Variants in EYS observed in about 807,000 individuals in gnomAD.
EYS encodes the protein protein eyes shut homolog.
A neutral mutation model predicts 282.1 loss-of-function variants in EYS; 250 were observed. The ratio of observed to expected loss-of-function variants is 0.89; its 90% CI spans 0.80 to 0.98. The LOEUF (loss-of-function observed/expected upper bound fraction) is 0.98, where lower values mean the gene tolerates loss of function less well. EYS is among the 50% of genes least tolerant of loss of function. The probability of loss-of-function intolerance (pLI) is 0.00; values close to 1 mark genes in which losing one functional copy is unlikely to be tolerated. For synonymous variants in EYS, 1,355 were observed against 1,282.9 expected (o/e 1.06, Z -1.20); for missense variants, 4,016 against 3,709.0 (o/e 1.08, Z -2.15).
At chr6:64,888,269 G>A (rs1767163444) in intron 18 of EYS, among the ~76,000 whole-genome samples, 1 of 151,958 alleles carries the variant, frequency 6.6e-6, no homozygotes, top group African/African-American at 2.4e-5. Flanking sequence ...AGAGCTAGAG[G>A]AGAAAATTTT....
intron 30 of EYS, among the ~76,000 whole-genome samples, chr6:64,261,160 A>G (rs916460560): frequency 3.3e-5 from 5 of 151,886 alleles, no homozygotes; most frequent in African/African-American, 7.3e-5. Context: ...AAGCATTCCT[A>G]TTTTTCCCGG....
chr6:64,425,073 CAG>C (rs1774357168), intron 28 of EYS, among the ~76,000 whole-genome samples: 1 of 152,092 alleles, frequency 6.6e-6, no homozygotes, highest in African/African-American at 2.4e-5. Flanking sequence ...AAAAGCATTT[CAG>C]AGAGTCCTAG....
Position 64,755,497 on chromosome 6 carries a change from T to TACAGACAC in EYS, c.3443+57880_3443+57881insGTGTCTGT, listed in dbSNP as rs1485167795. The stretch of plus-strand genomic sequence containing the variant: ...AAATAAGAAATCTTGAGAACATACA[T>TACAGACAC]ACACACACACACACACACACACACA... On this transcript the variant is annotated intron_variant, in intron 22 of 42. Coordinates refer to ENST00000503581, the MANE Select transcript of EYS (RefSeq NM_001142800.2). Among the ~76,000 whole-genome samples, 13 of 139,020 alleles carry TACAGACAC rather than the reference T, an allele frequency of 9.4e-5. 1 individual carries two copies. Among genetic ancestry groups the TACAGACAC allele is most frequent in the South Asian group, 4.8e-4 (2 of 4,198 alleles). The allele number at this position is 139,020 out of a possible 152,430, so 91.2% of individuals were successfully genotyped here.
chr6:64,720,857 C>T (rs1771554944), intron 22 of EYS, among the ~76,000 whole-genome samples: 1 of 152,220 alleles, frequency 6.6e-6, no homozygotes, highest in African/African-American at 2.4e-5. Context: ...TTTATGGTGC[C>T]TCTTTTGGTG....
chr6:64,776,534 T>A (rs1773681344), intron 22 of EYS, among the ~76,000 whole-genome samples: 1 of 152,182 alleles, frequency 6.6e-6, no homozygotes, highest in South Asian at 2.1e-4. Flanking sequence ...AAGGAAAAAT[T>A]CTATTCCCTT....
chr6:65,618,512 A>C (rs1375121825), intron 2 of EYS, among the ~76,000 whole-genome samples: 2 of 151,936 alleles, frequency 1.3e-5, no homozygotes, highest in African/African-American at 4.8e-5. Context: ...TTGCTTGTTC[A>C]CTCTGATGGT....
intron 32 of EYS, among the ~76,000 whole-genome samples, chr6:64,078,810 T>C (rs992594079): frequency 1.3e-5 from 2 of 152,008 alleles, no homozygotes; most frequent in African/African-American, 2.4e-5. Context: ...TGACTTTTAT[T>C]GGATTTAGAT....
intron 33 of EYS, among the ~76,000 whole-genome samples, chr6:64,020,479 A>G (rs903119356): frequency 3.9e-5 from 6 of 152,316 alleles, no homozygotes; most frequent in African/African-American, 1.2e-4. Context: ...AGACTTCTGT[A>G]AAGTATAAGG....
chr6:65,235,958 T>C (rs1418674325), intron 12 of EYS, among the ~76,000 whole-genome samples: 1 of 152,108 alleles, frequency 6.6e-6, no homozygotes, highest in Non-Finnish European at 1.5e-5. Flanking sequence ...ATATATTTCT[T>C]AGGCTTACAT....
chr6:63,965,143 C>G (rs1209757106), intron 35 of EYS, among the ~76,000 whole-genome samples: 1 of 152,154 alleles, frequency 6.6e-6, no homozygotes, highest in East Asian at 1.9e-4. Context: ...TTACAGAATG[C>G]TTTTGGCTCA....
intron 12 of EYS, among the ~76,000 whole-genome samples, chr6:65,213,470 C>T (rs1766226089): frequency 6.6e-6 from 1 of 152,128 alleles, no homozygotes; most frequent in Non-Finnish European, 1.5e-5. Flanking sequence ...CATGTATTGG[C>T]TTTTCCAACA....
In EYS at chr6:64,697,111, G is replaced by A. The variant is rs141661763; in HGVS notation, c.3444-70866C>T. On this transcript the variant is annotated intron_variant, in intron 22 of 42. Transcript: ENST00000503581. ...AATGCTCCACTTAAAAATATAGTTC[G>A]GCAGTGTGGATTTAAAAAAAACATG... Among the ~76,000 whole-genome samples the A allele has an allele frequency of 8.7e-3, 1,329 of 151,994 alleles. 19 individuals carry two copies. Among genetic ancestry groups the A allele is most frequent in the African/African-American group, 0.029 (1,191 of 41,484 alleles).
chr6:65,455,417 A>G (rs1290312784), intron 5 of EYS, among the ~76,000 whole-genome samples: 1 of 152,168 alleles, frequency 6.6e-6, no homozygotes, highest in Non-Finnish European at 1.5e-5. Flanking sequence ...AAGGTTTTCT[A>G]TAAAGAATTT....
intron 36 of EYS, among the ~76,000 whole-genome samples, chr6:63,831,846 C>A (rs1771647967): frequency 1.3e-5 from 2 of 152,170 alleles, no homozygotes; most frequent in South Asian, 2.1e-4. Flanking sequence ...TGTAAAAGAG[C>A]AGAAATTACA....
At chr6:64,147,469 C>CA (rs1774557889) in intron 31 of EYS, among the ~76,000 whole-genome samples, 1 of 152,128 alleles carries the variant, frequency 6.6e-6, no homozygotes, top group East Asian at 1.9e-4. Context: ...AGGGAGAATA[C>CA]AATAAATATT....
At chr6:65,460,312 A>C (rs1764785481) in intron 5 of EYS, among the ~76,000 whole-genome samples, 1 of 151,822 alleles carries the variant, frequency 6.6e-6, no homozygotes, top group South Asian at 2.1e-4. Flanking sequence ...ACAAATTTAC[A>C]CTAGCCATAC....
At position 65,342,787 on chromosome 6, in the gene EYS, T is replaced by G. The variant is rs532666146; in HGVS notation, c.1599+1251A>C. Reference sequence around the variant, plus strand: ...ATCTTAGATTGCTATATTTGCGTATTTTCTTGAGTCTAAAGAAATTGTCTA... The same window carrying G: ...ATCTTAGATTGCTATATTTGCGTATGTTCTTGAGTCTAAAGAAATTGTCTA... On this transcript the variant is annotated intron_variant, in intron 10 of 42. Transcript: ENST00000503581. Among the ~76,000 whole-genome samples the G allele has an allele frequency of 4.0e-5, 6 of 150,850 alleles. No individual in the cohort carries two copies. The East Asian group carries it at 1.2e-3, about 30-fold the overall frequency.
chr6:64,267,967 T>C (rs551190200), intron 30 of EYS, among the ~76,000 whole-genome samples: 33 of 152,264 alleles, frequency 2.2e-4, no homozygotes, highest in Non-Finnish European at 4.6e-4. Flanking sequence ...TTTGGTTAAT[T>C]GCCAATATTG....
chr6:63,737,025 A>G (rs1043828117), intron 41 of EYS, among the ~76,000 whole-genome samples: 2 of 151,678 alleles, frequency 1.3e-5, no homozygotes, highest in African/African-American at 2.4e-5. Context: ...CAATCATGTC[A>G]TCTGCAAACA....
Sources: allele counts gnomAD v4.1 joint callset (sites outside exome capture counted in the v4.1 genomes callset), GRCh38; gene constraint gnomAD v4.1.1; transcripts MANE v1.5; gene names NCBI Gene and HGNC (gene_info 2026-07-23, HGNC 2026-07-21).